The following PITPNM2 variants were observed in gnomAD, a reference collection of about 807,000 sequenced individuals.
PITPNM2 encodes the protein phosphatidylinositol transfer protein membrane associated 2, also known as membrane-associated phosphatidylinositol transfer protein 2.
A neutral mutation model predicts 132.2 loss-of-function variants in PITPNM2; 35 were observed. The observed-to-expected ratio is 0.26, with a 90% CI of 0.20 to 0.35. The LOEUF (loss-of-function observed/expected upper bound fraction) is 0.35, where lower values mean the gene tolerates loss of function less well. PITPNM2 is among the 10% of genes least tolerant of loss of function. PITPNM2 has a pLI of 1.00. For synonymous variants in PITPNM2, 738 were observed against 799.2 expected (o/e 0.92, Z 1.29); for missense variants, 1,332 against 1,912.0 (o/e 0.70, Z 5.66).
chr12:123,005,568 G>C lies in PITPNM2; in HGVS notation c.644-20C>G. The C allele has an allele frequency of 1.2e-6, 2 of 1,604,036 alleles. No individual in the cohort carries two copies. The highest frequency in any genetic ancestry group is 1.7e-6 in the Non-Finnish European group (2 of 1,174,256). On this transcript the variant is annotated intron_variant, in intron 6 of 25. Transcript: ENST00000320201. This position sits in a 1 kb window ranked among gnomAD's most constrained non-coding sequence, Gnocchi z 6.2. ...GTAGTCCTGTGCCCCATGGGGATCAGAGAGGGAGAGACGAGGGGAGGGAGG... is the reference window on the plus strand; with the variant it reads ...GTAGTCCTGTGCCCCATGGGGATCACAGAGGGAGAGACGAGGGGAGGGAGG...
intron 1 of PITPNM2, among the ~76,000 whole-genome samples, chr12:123,141,637 G>A (rs1204094205): frequency 1.3e-5 from 2 of 152,096 alleles, no homozygotes; most frequent in South Asian, 2.1e-4. Flanking sequence ...ACACAGAGTC[G>A]ACGAGGCTGG....
rs776086063 is a variant in PITPNM2 at position 123,005,595 on chromosome 12, C to G, written c.644-47G>C. 5 of 1,576,454 alleles carry G rather than the reference C, an allele frequency of 3.2e-6. No homozygotes were observed. Among genetic ancestry groups the G allele is most frequent in the Non-Finnish European group, 4.3e-6 (5 of 1,159,252 alleles). On this transcript the variant is annotated intron_variant, in intron 6 of 25. Transcript: ENST00000320201. The surrounding 1 kb of genome is among the most constrained non-coding windows in gnomAD (Gnocchi z 6.2). ...GAGGGAGAGACGAGGGGAGGGAGGTCAGCGCAGGAGCCTGCACGGAAGTGT... is the reference window on the plus strand; with the variant it reads ...GAGGGAGAGACGAGGGGAGGGAGGTGAGCGCAGGAGCCTGCACGGAAGTGT...
intron 1 of PITPNM2, among the ~76,000 whole-genome samples, chr12:123,147,158 ACTT>A (rs2043635160): frequency 6.6e-6 from 1 of 152,004 alleles, no homozygotes; most frequent in Non-Finnish European, 1.5e-5. Flanking sequence ...TTCAAGTCCC[ACTT>A]CTTTCAGGAA....
Position 123,010,093 on chromosome 12 carries a change from T to C in PITPNM2, c.416-16A>G, listed in dbSNP as rs1405672388. Reference sequence around the variant, plus strand: ...TCGATGAAGTCTGTGGGTAAACCCTTAGAGTGGCCACTTCTGCCCTGACCT... The same window carrying C: ...TCGATGAAGTCTGTGGGTAAACCCTCAGAGTGGCCACTTCTGCCCTGACCT... On this transcript the variant is annotated splice_polypyrimidine_tract_variant and intron_variant, in intron 5 of 25. Coordinates refer to ENST00000320201, the MANE Select transcript of PITPNM2 (RefSeq NM_020845.3). 3.1e-6 allele frequency: 5 copies of C among 1,595,404 alleles called. No homozygotes were observed. Among genetic ancestry groups the C allele is most frequent in the South Asian group, 2.2e-5 (2 of 90,716 alleles).
intron 1 of PITPNM2, among the ~76,000 whole-genome samples, chr12:123,147,482 T>C (rs1365590602): frequency 1.3e-5 from 2 of 152,128 alleles, no homozygotes; most frequent in Non-Finnish European, 2.9e-5. Flanking sequence ...CTTACTATAT[T>C]TAATTCACTT....
At chr12:123,130,427 C>T (rs975314467) in intron 1 of PITPNM2, among the ~76,000 whole-genome samples, 24 of 152,148 alleles carry the variant, frequency 1.6e-4, no homozygotes, top group African/African-American at 5.6e-4. Context: ...GGGTCATTTG[C>T]CCAAGGCCAC....
chr12:123,051,401 A>ATGTG (rs2040851984), intron 2 of PITPNM2, among the ~76,000 whole-genome samples: 1 of 152,158 alleles, frequency 6.6e-6, no homozygotes, highest in African/African-American at 2.4e-5. Context: ...TTCTCCACGT[A>ATGTG]TGTGTCTTAT....
intron 5 of PITPNM2, among the ~76,000 whole-genome samples, chr12:123,011,915 C>G (rs2039223854): frequency 2.0e-5 from 3 of 152,118 alleles, no homozygotes; most frequent in Admixed American, 2.0e-4. Context: ...CCCAGGAAAT[C>G]CCAGCAGAGG....
At chr12:123,044,056 A>T (rs146405381) in intron 2 of PITPNM2, among the ~76,000 whole-genome samples, 1 of 152,128 alleles carries the variant, frequency 6.6e-6, no homozygotes. Context: ...TGCTCCCCTA[A>T]TTTAACACTG....
At chr12:122,991,654 C>G (rs73411017) in intron 16 of PITPNM2, 10 of 1,204,318 alleles carry the variant, frequency 8.3e-6, no homozygotes, top group Non-Finnish European at 1.0e-5. Context: ...CCAGGTCCCA[C>G]GAACTGTGAG....
upstream of PITPNM2, among the ~76,000 whole-genome samples, chr12:123,151,136 C>T (rs995048253): frequency 3.4e-5 from 5 of 146,464 alleles, no homozygotes; most frequent in African/African-American, 1.2e-4. Context: ...GTGGCGGCGG[C>T]GCCTCCTCAG....
At chr12:122,991,870 C>G in intron 16 of PITPNM2, 1 of 1,311,420 alleles carries the variant, frequency 7.6e-7, no homozygotes, top group South Asian at 2.8e-5. Flanking sequence ...CCTCCAGGAC[C>G]AGCTCAGGGT....
intron 2 of PITPNM2, among the ~76,000 whole-genome samples, chr12:123,051,337 CT>C (rs781221396): frequency 9.8e-5 from 15 of 152,332 alleles, no homozygotes; most frequent in Non-Finnish European, 1.9e-4. Flanking sequence ...CTTACGTAGA[CT>C]TTGTTCTATT....
chr12:123,071,352 G>A (rs978563753), intron 2 of PITPNM2, among the ~76,000 whole-genome samples: 1 of 152,212 alleles, frequency 6.6e-6, no homozygotes, highest in African/African-American at 2.4e-5. Context: ...TCTTTTCCCT[G>A]TGCTCCCCAT....
In PITPNM2 at chr12:123,119,146, G is replaced by A. The variant is rs931701187; in HGVS notation, c.-199-8658C>T. Among the ~76,000 whole-genome samples, 5 of 152,120 alleles carry A rather than the reference G, an allele frequency of 3.3e-5. No homozygotes were observed. The East Asian group carries it at 7.7e-4, about 23-fold the overall frequency. On this transcript the variant is annotated intron_variant, in intron 1 of 25. Coordinates refer to ENST00000320201, the MANE Select transcript of PITPNM2 (RefSeq NM_020845.3). ...CTCAAGTGATCCAACAAGACTTAACGCAGCAAGACAGCTCTGATTCTGTGG... is the reference window on the plus strand; with the variant it reads ...CTCAAGTGATCCAACAAGACTTAACACAGCAAGACAGCTCTGATTCTGTGG...
chr12:123,009,755 G>A lies in PITPNM2; in HGVS notation c.643+95C>T, dbSNP rs531213513. The A allele has an allele frequency of 1.7e-6, 2 of 1,197,410 alleles. No homozygotes were observed. The highest frequency in any genetic ancestry group is 2.6e-5 in the South Asian group (2 of 77,044). The allele number at this position is 1,197,410 out of a possible 1,614,324, so 74.2% of individuals were successfully genotyped here. A position where few individuals can be genotyped will look rare whatever the true frequency, so the allele number is the denominator to read the frequency against. On this transcript the variant is annotated intron_variant, in intron 6 of 25. Coordinates refer to ENST00000320201, the MANE Select transcript of PITPNM2 (RefSeq NM_020845.3). The surrounding 1 kb of genome is among the most constrained non-coding windows in gnomAD (Gnocchi z 4.8). ...ACAAAACAGAAACGCAGACTCCCAGGCAGACATGCAAAGAGAGGAGGCAGA... is the reference window on the plus strand; with the variant it reads ...ACAAAACAGAAACGCAGACTCCCAGACAGACATGCAAAGAGAGGAGGCAGA...
Position 122,987,342 on chromosome 12 carries a change from C to T in PITPNM2, c.3352G>A (p.Ala1118Thr), listed in dbSNP as rs2037980618. 3.7e-6 allele frequency: 6 copies of T among 1,612,720 alleles called. No individual in the cohort carries two copies. The highest frequency in any genetic ancestry group is 5.1e-6 in the Non-Finnish European group (6 of 1,180,030). The change falls in exon 23 of 26, where the codon GCT becomes ACT. Residue 1118 changes from alanine (A) to threonine (T), a missense_variant. By Grantham distance (58) the Ala-to-Thr change is moderately conservative (BLOSUM62 0). This residue lies in a region of PITPNM2 where 251 missense variants were observed against 472.0 expected (regional missense o/e 0.53). Transcript: ENST00000320201. Reference sequence around the variant, plus strand: ...TCGCTGCCCATGATGGACACGCTAGCGGCAAAGGAACCGTCGATGCTGAAG... The same window carrying T: ...TCGCTGCCCATGATGGACACGCTAGTGGCAAAGGAACCGTCGATGCTGAAG... ...VVFSIDGSFA[A>T]SVSIMGSDPK... is the part of the protein sequence containing the mutation.
At chr12:123,084,738 T>C (rs2042064784) in intron 2 of PITPNM2, 1 of 152,224 alleles carries the variant, frequency 6.6e-6, no homozygotes, top group Non-Finnish European at 1.5e-5. Context: ...AAATCAGTTC[T>C]ACCAATTTCC....
intron 1 of PITPNM2, among the ~76,000 whole-genome samples, chr12:123,116,749 G>A (rs2042943649): frequency 6.6e-6 from 1 of 152,064 alleles, no homozygotes; most frequent in Non-Finnish European, 1.5e-5. Flanking sequence ...CTGAAGCCAG[G>A]TAAGAAGCCA....
Sources: allele counts gnomAD v4.1 joint callset (sites outside exome capture counted in the v4.1 genomes callset), GRCh38; gene constraint gnomAD v4.1.1; regional missense constraint gnomAD v4.1.1; non-coding constraint Gnocchi (gnomAD v3.1); transcripts MANE v1.5; gene names NCBI Gene and HGNC (gene_info 2026-07-23, HGNC 2026-07-21).